Variants in BDP1 observed in about 807,000 individuals in gnomAD.
The protein encoded by BDP1 is BDP1 general transcription factor IIIB subunit, also known as transcription factor TFIIIB component B'' homolog.
In BDP1, 169 loss-of-function variants were observed where a neutral mutation model predicts 266.6. The ratio of observed to expected loss-of-function variants is 0.63; its 90% CI spans 0.56 to 0.72. The LOEUF is 0.72. Ranked by LOEUF, BDP1 falls within the 30% of genes least tolerant of loss-of-function variation. The pLI, the probability that BDP1 is intolerant of heterozygous loss-of-function variation, is 0.00. For synonymous variants in BDP1, 1,090 were observed against 1,022.4 expected, an observed-to-expected ratio of 1.07 and a Z score of -1.26; for missense variants, 3,015 against 3,053.8, an observed-to-expected ratio of 0.99 and a Z score of 0.30.
chr5:71,521,285 A>G (rs942823717), intron 22 of BDP1, among the ~76,000 whole-genome samples: 4 of 147,886 alleles, frequency 2.7e-5, no homozygotes, highest in African/African-American at 1.0e-4. Flanking sequence ...ATTCAGGTTT[A>G]TATTAGTTTT....
chr5:71,564,062 C>T (rs922772538), intron 38 of BDP1, among the ~76,000 whole-genome samples: 5 of 152,076 alleles, frequency 3.3e-5, no homozygotes, highest in Non-Finnish European at 5.9e-5. Flanking sequence ...ATTGGTCTGA[C>T]TTTTTTCCCC....
chr5:71,504,965 A>G (rs1347843439), intron 16 of BDP1, among the ~76,000 whole-genome samples: 1 of 152,178 alleles, frequency 6.6e-6, no homozygotes, highest in Non-Finnish European at 1.5e-5. Flanking sequence ...CTCATCGTAA[A>G]TTAGTACTTG....
intron 16 of BDP1, 50 bp from the exon 17 acceptor site, chr5:71,509,415 C>G: frequency 6.7e-7 from 1 of 1,494,462 alleles, no homozygotes. Context: ...ATCTCTTCAG[C>G]AGGCAGTCTG....
chr5:71,481,340 C>G (rs1762950626), intron 7 of BDP1, among the ~76,000 whole-genome samples: 1 of 138,368 alleles, frequency 7.2e-6, no homozygotes, highest in Non-Finnish European at 1.5e-5. Flanking sequence ...TGCTTGAGCC[C>G]AGAAGTTCAA....
intron 25 of BDP1, among the ~76,000 whole-genome samples, chr5:71,531,117 G>C (rs1423788679): frequency 2.6e-5 from 4 of 152,040 alleles, no homozygotes; most frequent in Admixed American, 6.6e-5. Context: ...TCTCAGACTT[G>C]ACTCTTTACT....
chr5:71,490,897 A>C (rs1763545507), intron 10 of BDP1, 87 bp from the exon 11 acceptor site: 7 of 1,142,074 alleles, frequency 6.1e-6, no homozygotes, highest in Non-Finnish European at 7.0e-6. Flanking sequence ...TTTGTAGGAA[A>C]AGAGTGTTAT....
At chr5:71,527,799 C>T (rs1368039061) in intron 25 of BDP1, among the ~76,000 whole-genome samples, 4 of 151,418 alleles carry the variant, frequency 2.6e-5, no homozygotes, top group African/African-American at 7.3e-5. Context: ...ATTGCTGGAT[C>T]GTATGGTAAT....
At position 71,559,998 on chromosome 5, in the gene BDP1, A is replaced by AATAT. The variant is rs1385590238; in HGVS notation, c.7257_7258insATAT (p.Gln2420IlefsTer23). 6.8e-6 allele frequency: 11 copies of AATAT among 1,613,710 alleles called. No homozygotes were observed. In the East Asian group the frequency reaches 2.2e-4, roughly 33 times the overall value. ...TTTTTGAAGGGGAGTCTCACAAGGG[A>AATAT]CAAGATATTTTTCTTACCTCAGGAA... On this transcript the variant is annotated frameshift_variant, in exon 37 of 39. Coordinates refer to ENST00000358731, the MANE Select transcript of BDP1 (RefSeq NM_018429.3). LOFTEE classifies it high-confidence loss of function.
intron 2 of BDP1, among the ~76,000 whole-genome samples, chr5:71,460,453 T>G (rs1390131650): frequency 1.3e-5 from 2 of 152,256 alleles, no homozygotes; most frequent in Admixed American, 6.5e-5. Flanking sequence ...GCTTCTGTTA[T>G]GAATTATAAA....
Position 71,481,855 on chromosome 5 carries a change from A to G in BDP1, c.1015-1987A>G, listed in dbSNP as rs1762986224. ...GTTATACTAATACTATACTATTAAT[A>G]GATAAGTGAGAGAAGGGAATGCATT... On this transcript the variant is annotated intron_variant, in intron 7 of 38. Coordinates refer to ENST00000358731, the MANE Select transcript of BDP1 (RefSeq NM_018429.3). 2.0e-5 allele frequency among the ~76,000 whole-genome samples: 3 copies of G among 152,320 alleles called. No individual in the cohort carries two copies. The East Asian group carries it at 5.8e-4, about 29-fold the overall frequency.
In BDP1 at chr5:71,502,776, C is replaced by G. The variant is rs1764329690; in HGVS notation, c.2226C>G (p.Ser742=). 2 of 1,613,060 alleles carry G rather than the reference C, an allele frequency of 1.2e-6. No homozygotes were observed. The highest frequency in any genetic ancestry group is 2.7e-5 in the African/African-American group (2 of 74,748). The change falls in exon 15 of 39, where the codon TCC becomes TCG. Residue 742 remains serine (S), a synonymous_variant. Transcript: ENST00000358731. ...GANVEKNENE[S]CADRDTPQHM... The stretch of plus-strand genomic sequence containing the variant: ...ATGTAGAGAAGAATGAAAATGAATC[C>G]TGTGCTGATAGAGATGTAAGTACTC...
At chr5:71,495,043 T>C (rs1763800290) in intron 11 of BDP1, 1 of 351,520 alleles carries the variant, frequency 2.8e-6, no homozygotes, top group African/African-American at 2.1e-5. Context: ...TGTAAATTTG[T>C]GGCTGCTGCT....
intron 18 of BDP1, 111 bp from the exon 19 acceptor site, chr5:71,513,074 A>AT: frequency 1.5e-6 from 1 of 689,328 alleles, no homozygotes; most frequent in Non-Finnish European, 2.3e-6. Flanking sequence ...AAAAAAAAAA[A>AT]AAAAAAAAAA....
chr5:71,473,621 T>A (rs1224075865), intron 7 of BDP1, among the ~76,000 whole-genome samples: 1 of 151,986 alleles, frequency 6.6e-6, no homozygotes, highest in Non-Finnish European at 1.5e-5. Flanking sequence ...TTTTATTGAT[T>A]TTTTTTTGTT....
Position 71,510,332 on chromosome 5 carries a change from G to A in BDP1, c.3240G>A (p.Val1080=). Residue 1080 remains valine, a synonymous_variant, in exon 17 of 39, where the codon GTG becomes GTA. Transcript: ENST00000358731. ...TCCCAAGGGGGAAGACACCAGAGGT[G>A]ATTGATGCCATTGAGGAAATAGAGA... ...DSFPRGKTPE[V]IDAIEEIEID... is the part of the protein sequence containing the mutation. 2 of 1,613,850 alleles carry A rather than the reference G, an allele frequency of 1.2e-6. No individual in the cohort carries two copies. Among genetic ancestry groups the A allele is most frequent in the Non-Finnish European group, 1.7e-6 (2 of 1,179,970 alleles).
intron 6 of BDP1, among the ~76,000 whole-genome samples, chr5:71,467,706 C>G (rs990289504): frequency 2.6e-5 from 4 of 152,098 alleles, no homozygotes; most frequent in Admixed American, 6.5e-5. Flanking sequence ...GCAACTGGGT[C>G]TCAGCCAGGT....
chr5:71,521,430 C>A (rs1765489533), intron 22 of BDP1, among the ~76,000 whole-genome samples: 1 of 151,116 alleles, frequency 6.6e-6, no homozygotes, highest in Non-Finnish European at 1.5e-5. Flanking sequence ...GTAGCTGGGA[C>A]TTCAGGCATG....
intron 16 of BDP1, among the ~76,000 whole-genome samples, chr5:71,506,974 C>T (rs1021561276): frequency 4.6e-5 from 7 of 152,072 alleles, no homozygotes; most frequent in African/African-American, 1.7e-4. Context: ...GTGCATGCCA[C>T]CACATCTGGC....
chr5:71,470,233 A>G (rs1762155952), intron 6 of BDP1, among the ~76,000 whole-genome samples, 162 bp from the exon 7 acceptor site: 1 of 152,036 alleles, frequency 6.6e-6, no homozygotes, highest in Non-Finnish European at 1.5e-5. Context: ...CCAGCCTACG[A>G]TTTCTTATAC....
Sources: gnomAD v4.1 joint callset for allele counts (sites outside exome capture counted in the v4.1 genomes callset) on GRCh38, gnomAD v4.1.1 for gene constraint, MANE v1.5 for transcripts, NCBI Gene and HGNC (gene_info 2026-07-23, HGNC 2026-07-21) for gene names.